KDM3A: variants seen among roughly 807,000 people sequenced by gnomAD.
KDM3A encodes the protein lysine-specific demethylase 3A.
In KDM3A, 60 loss-of-function variants were observed where a neutral mutation model predicts 158.0. The observed-to-expected ratio is 0.38, with a 90% CI of 0.31 to 0.47. The LOEUF is 0.47. Ranked by LOEUF, KDM3A falls within the 20% of genes least tolerant of loss-of-function variation. The pLI, the probability that KDM3A is intolerant of heterozygous loss-of-function variation, is 0.99. For missense variants in KDM3A, 1,319 were observed against 1,574.3 expected, an observed-to-expected ratio of 0.84 and a Z score of 2.74; for synonymous variants, 608 against 549.3, an observed-to-expected ratio of 1.11 and a Z score of -1.49.
chr2:86,439,146 T>C (rs1682547568), upstream of KDM3A, among the ~76,000 whole-genome samples: 1 of 152,062 alleles, frequency 6.6e-6, no homozygotes, highest in Non-Finnish European at 1.5e-5. Flanking sequence ...ATAATCTTCT[T>C]AGTTTTCTAT....
intron 6 of KDM3A, 49 bp downstream of exon 6, chr2:86,456,615 A>G: frequency 6.5e-7 from 1 of 1,543,568 alleles, no homozygotes; most frequent in African/African-American, 1.4e-5. Context: ...AAGCATGATA[A>G]CTATACAAAG....
intron 8 of KDM3A, among the ~76,000 whole-genome samples, chr2:86,460,987 A>G (rs1165559021): frequency 6.6e-6 from 1 of 152,170 alleles, no homozygotes; most frequent in Admixed American, 6.5e-5. Context: ...AAAGCACGCT[A>G]AGTTGTGCTA....
chr2:86,459,633 G>A lies in KDM3A; in HGVS notation c.843+2562G>A, dbSNP rs1278741602. Reference sequence around the variant, plus strand: ...GGAAGGTGCCTTCAGAATGTTGAGTGTGTCAGCAATGAGAAAGGTGTTTGA... The same window carrying A: ...GGAAGGTGCCTTCAGAATGTTGAGTATGTCAGCAATGAGAAAGGTGTTTGA... On this transcript the variant is annotated intron_variant, in intron 8 of 25. Transcript: ENST00000312912. Among the ~76,000 whole-genome samples the A allele has an allele frequency of 2.0e-5, 3 of 152,300 alleles. No individual in the cohort carries two copies. In the East Asian group the frequency reaches 5.8e-4, roughly 29 times the overall value.
intron 8 of KDM3A, among the ~76,000 whole-genome samples, chr2:86,458,968 G>A (rs1345525038): frequency 6.6e-6 from 1 of 151,814 alleles, no homozygotes; most frequent in Non-Finnish European, 1.5e-5. Context: ...AGCTAAGGGG[G>A]TGGAGAGCTA....
At position 86,464,021 on chromosome 2, in the gene KDM3A, C is replaced by T. The variant is rs201781888; in HGVS notation, c.844-32C>T. 9 of 1,460,268 alleles carry T rather than the reference C, an allele frequency of 6.2e-6. No individual in the cohort carries two copies. In the East Asian group the frequency reaches 2.0e-4, roughly 32 times the overall value. The allele number at this position is 1,460,268 out of a possible 1,614,324, so 90.5% of individuals were successfully genotyped here. On this transcript the variant is annotated intron_variant, in intron 8 of 25. Transcript: ENST00000312912. Reference sequence around the variant, plus strand: ...TTATTATTTCCTAACTAGGGACTTCCTTTTAATATCTGTTGGTTTGGTATC... The same window carrying T: ...TTATTATTTCCTAACTAGGGACTTCTTTTTAATATCTGTTGGTTTGGTATC...
intron 8 of KDM3A, among the ~76,000 whole-genome samples, chr2:86,463,847 G>A (rs1431795231): frequency 6.6e-6 from 1 of 152,218 alleles, no homozygotes; most frequent in African/African-American, 2.4e-5. Context: ...GAAGACATAA[G>A]TTTTGTGAAA....
intron 20 of KDM3A, 106 bp from the exon 21 acceptor site, chr2:86,485,623 C>T (rs1229714178): frequency 7.5e-7 from 1 of 1,336,616 alleles, no homozygotes. Flanking sequence ...TCTGCATGAT[C>T]ACAGATGGAT....
At chr2:86,442,293 C>T (rs1053260487) in intron 2 of KDM3A, 60 bp downstream of exon 2, 8 of 1,472,678 alleles carry the variant, frequency 5.4e-6, no homozygotes, top group Non-Finnish European at 7.4e-6. Flanking sequence ...GTAACGCGAC[C>T]ATCGGTTCCC....
chr2:86,483,548 A>C (rs1674039686), intron 18 of KDM3A: 1 of 153,062 alleles, frequency 6.5e-6, no homozygotes, highest in Non-Finnish European at 1.5e-5. Flanking sequence ...AGACGGCCAA[A>C]AGATTTGGCA....
chr2:86,479,525 G>A (rs1382307618), intron 15 of KDM3A: 1 of 152,132 alleles, frequency 6.6e-6, no homozygotes, highest in Non-Finnish European at 1.5e-5. Context: ...TTGATGATTG[G>A]GCATCACAGA....
intron 15 of KDM3A, chr2:86,478,955 T>A (rs1355973267): frequency 2.1e-5 from 8 of 378,632 alleles, no homozygotes; most frequent in Non-Finnish European, 4.7e-6. Context: ...CCTCTTGTAG[T>A]AGGTTTTACA....
chr2:86,471,277 GTGTGTA>G (rs900863145), intron 11 of KDM3A, among the ~76,000 whole-genome samples: 2 of 133,622 alleles, frequency 1.5e-5, no homozygotes, highest in Admixed American at 1.4e-4. Context: ...GTGTATATAT[GTGTGTA>G]TATATGTATA....
At chr2:86,491,424 A>G (rs959509170) in intron 25 of KDM3A, 149 bp downstream of exon 25, 4 of 712,570 alleles carry the variant, frequency 5.6e-6, no homozygotes, top group Admixed American at 2.5e-5. Flanking sequence ...TAGTACTACT[A>G]TCTACTTAAG....
chr2:86,444,302 G>C (rs1487229327), intron 2 of KDM3A, among the ~76,000 whole-genome samples: 3 of 152,162 alleles, frequency 2.0e-5, no homozygotes, highest in Non-Finnish European at 4.4e-5. Flanking sequence ...AGACAACTGG[G>C]AATTCATGTC....
chr2:86,470,470 C>A, intron 11 of KDM3A, 62 bp downstream of exon 11: 5 of 1,382,366 alleles, frequency 3.6e-6, no homozygotes, highest in Non-Finnish European at 4.1e-6. Flanking sequence ...GATCATCTGG[C>A]ATACTTTTGT....
intron 25 of KDM3A, 42 bp downstream of exon 25, chr2:86,491,317 A>G (rs1674445756): frequency 3.2e-6 from 5 of 1,586,896 alleles, no homozygotes; most frequent in South Asian, 2.2e-5. Context: ...GGCTATGGCT[A>G]TGGCTTCATG....
chr2:86,462,223 G>C (rs1429139935), intron 8 of KDM3A, among the ~76,000 whole-genome samples: 1 of 151,744 alleles, frequency 6.6e-6, no homozygotes, highest in Admixed American at 6.6e-5. Context: ...AACTTGAGCG[G>C]CTTGATTTTA....
intron 5 of KDM3A, among the ~76,000 whole-genome samples, chr2:86,455,879 C>T (rs1018244698): frequency 2.0e-5 from 3 of 150,328 alleles, no homozygotes; most frequent in Admixed American, 2.0e-4. Context: ...TCACTTGAAC[C>T]CAGGAGGTCA....
chr2:86,458,962 A>G (rs1027236876), intron 8 of KDM3A, among the ~76,000 whole-genome samples: 1 of 151,898 alleles, frequency 6.6e-6, no homozygotes, highest in African/African-American at 2.4e-5. Flanking sequence ...GGCGGTAGCT[A>G]AGGGGGTGGA....
Sources: gnomAD v4.1 joint callset for allele counts (sites outside exome capture counted in the v4.1 genomes callset) on GRCh38, gnomAD v4.1.1 for gene constraint, MANE v1.5 for transcripts, NCBI Gene and HGNC (gene_info 2026-07-23, HGNC 2026-07-21) for gene names.